WDR25: variants seen among roughly 807,000 people sequenced by gnomAD.
The protein encoded by WDR25 is WD repeat-containing protein 25.
Under a neutral mutation model 47.7 loss-of-function variants are expected in WDR25, and 35 were observed. The observed-to-expected ratio is 0.73, with a 90% CI of 0.56 to 0.97. WDR25 has a LOEUF of 0.97. Among genes scored for constraint, WDR25 ranks in the 50% least tolerant of loss-of-function variants. The pLI, the probability that WDR25 is intolerant of heterozygous loss-of-function variation, is 0.00. For synonymous variants in WDR25, 248 were observed against 278.9 expected, an observed-to-expected ratio of 0.89 and a Z score of 1.10; for missense variants, 634 against 704.7, an observed-to-expected ratio of 0.90 and a Z score of 1.14.
intron 4 of WDR25, among the ~76,000 whole-genome samples, chr14:100,517,964 C>A (rs763142277): frequency 1.3e-5 from 2 of 152,198 alleles, no homozygotes; most frequent in Non-Finnish European, 2.9e-5. Flanking sequence ...TGAAGATCCC[C>A]TTCCCAGACA....
Position 100,488,072 on chromosome 14 carries a change from C to G in WDR25, c.1101+3948C>G, listed in dbSNP as rs1900442361. 6.6e-6 allele frequency among the ~76,000 whole-genome samples: 1 copy of G among 152,120 alleles called. No homozygotes were observed. Among genetic ancestry groups the G allele is most frequent in the Non-Finnish European group, 1.5e-5 (1 of 68,024 alleles). Reference sequence around the variant, plus strand: ...AGATTCTGGACTTCTCTAGTCTAGCCCAATTCATTACAGCAAATGGGCTGT... The same window carrying G: ...AGATTCTGGACTTCTCTAGTCTAGCGCAATTCATTACAGCAAATGGGCTGT... On this transcript the variant is annotated intron_variant, in intron 4 of 6. Coordinates refer to ENST00000402312, the MANE Select transcript of WDR25 (RefSeq NM_001161476.3). This position sits in a 1 kb window ranked among gnomAD's most constrained non-coding sequence, Gnocchi z 4.2.
intron 2 of WDR25, among the ~76,000 whole-genome samples, chr14:100,459,896 A>ATGTG (rs1899329857): frequency 1.2e-4 from 2 of 17,312 alleles, no homozygotes; most frequent in African/African-American, 2.3e-4. Flanking sequence ...GTGTGTGTGT[A>ATGTG]TATATATATA....
In WDR25 at chr14:100,508,640, A is replaced by C. The variant is rs373629662; in HGVS notation, c.1102-17230A>C. Among the ~76,000 whole-genome samples the C allele has an allele frequency of 1.7e-4, 26 of 152,326 alleles. No homozygotes were observed. The South Asian group carries it at 5.4e-3, about 32-fold the overall frequency. On this transcript the variant is annotated intron_variant, in intron 4 of 6. Coordinates refer to ENST00000402312, the MANE Select transcript of WDR25 (RefSeq NM_001161476.3). Reference sequence around the variant, plus strand: ...TTACAATGACTAGAACTTTCGGTACAATACTGAATAGAAATTGTGAAAATG... The same window carrying C: ...TTACAATGACTAGAACTTTCGGTACCATACTGAATAGAAATTGTGAAAATG...
In WDR25 at chr14:100,425,922, C is replaced by A. The variant is rs554774137; in HGVS notation, c.823-42099C>A. Among the ~76,000 whole-genome samples, 50 of 152,144 alleles carry A rather than the reference C, an allele frequency of 3.3e-4. No individual in the cohort carries two copies. Among genetic ancestry groups the A allele is most frequent in the Non-Finnish European group, 6.3e-4 (43 of 68,026 alleles). On this transcript the variant is annotated intron_variant, in intron 2 of 6. Coordinates refer to ENST00000402312, the MANE Select transcript of WDR25 (RefSeq NM_001161476.3). The surrounding 1 kb of genome is among the most constrained non-coding windows in gnomAD (Gnocchi z 4.8). ...GTATTCAGTGGGGCCAGGGCGAGAC[C>A]CTGGGCCTTGCGAGGACGCCGTCCT...
chr14:100,496,770 A>G (rs552367753), intron 4 of WDR25, among the ~76,000 whole-genome samples: 133 of 149,880 alleles, frequency 8.9e-4, no homozygotes, highest in African/African-American at 3.1e-3. Flanking sequence ...TCAGTTTCCA[A>G]GCATGTGGAA....
intron 4 of WDR25, among the ~76,000 whole-genome samples, chr14:100,524,466 G>T (rs1322065813): frequency 1.9e-4 from 29 of 152,206 alleles, no homozygotes; most frequent in Non-Finnish European, 5.9e-5. Context: ...CAGGCATGCA[G>T]AATCCAGTGC....
intron 4 of WDR25, among the ~76,000 whole-genome samples, chr14:100,489,846 C>T (rs1014288474): frequency 2.0e-5 from 3 of 152,162 alleles, no homozygotes; most frequent in African/African-American, 7.2e-5. Flanking sequence ...TCTAAAACCC[C>T]GATTCTCTGC....
At chr14:100,376,947 C>G (rs1896703724) in intron 1 of WDR25, 1 of 229,458 alleles carries the variant, frequency 4.4e-6, no homozygotes, top group South Asian at 1.7e-4. Context: ...CACAGAAAGT[C>G]CTGTCCTCAT....
In WDR25 at chr14:100,529,124, A is replaced by G. The variant is rs946165061; in HGVS notation, c.1329A>G (p.Ala443=). 6.3e-7 allele frequency: 1 copy of G among 1,597,968 alleles called. No homozygotes were observed. The highest frequency in any genetic ancestry group is 8.6e-7 in the Non-Finnish European group (1 of 1,167,592). Residue 443 remains alanine, a synonymous_variant, in exon 6 of 7, where the codon GCA becomes GCG. Transcript: ENST00000402312. This position sits in a 1 kb window ranked among gnomAD's most constrained non-coding sequence, Gnocchi z 5.1. The part of the protein sequence containing the change: ...ALHPREPVFL[A]QTNGNYLALF... ...ACCCGAGAGAGCCCGTGTTCCTGGC[A>G]CAGACCAATGGCAACTACCTGGCCC...
chr14:100,396,156 G>A (rs901876421), intron 2 of WDR25, among the ~76,000 whole-genome samples: 1 of 151,346 alleles, frequency 6.6e-6, no homozygotes, highest in Non-Finnish European at 1.5e-5. Flanking sequence ...TTTTGTATTT[G>A]TAGTAGAGAT....
At chr14:100,497,137 G>C (rs1052557762) in intron 4 of WDR25, among the ~76,000 whole-genome samples, 5 of 152,178 alleles carry the variant, frequency 3.3e-5, no homozygotes, top group Admixed American at 1.3e-4. Flanking sequence ...AATTTGCCAA[G>C]GTTAGCTTTA....
chr14:100,385,425 T>C (rs563822384), intron 2 of WDR25, among the ~76,000 whole-genome samples: 3 of 152,330 alleles, frequency 2.0e-5, no homozygotes, highest in Admixed American at 2.0e-4. Flanking sequence ...GATTTCTTTC[T>C]GATCAGGAGA....
chr14:100,476,887 C>G (rs1415312603), intron 3 of WDR25, among the ~76,000 whole-genome samples: 8 of 152,138 alleles, frequency 5.3e-5, no homozygotes, highest in Non-Finnish European at 1.2e-4. Context: ...TCCTGGAGAC[C>G]CATACTTGGG....
chr14:100,513,897 T>G (rs901494492), intron 4 of WDR25, among the ~76,000 whole-genome samples: 2 of 152,028 alleles, frequency 1.3e-5, no homozygotes, highest in Non-Finnish European at 1.5e-5. Context: ...TAGACATTCC[T>G]GGCTTATTTT....
At chr14:100,432,372 C>T (rs1337973627) in intron 2 of WDR25, among the ~76,000 whole-genome samples, 2 of 152,194 alleles carry the variant, frequency 1.3e-5, no homozygotes, top group Non-Finnish European at 2.9e-5. Flanking sequence ...CTTACTGTCA[C>T]GATGCCTGAA....
intron 2 of WDR25, among the ~76,000 whole-genome samples, chr14:100,408,638 C>T (rs548770250): frequency 5.9e-5 from 9 of 152,278 alleles, no homozygotes; most frequent in Non-Finnish European, 1.0e-4. Flanking sequence ...CTGAGAGCCA[C>T]GCAAGTGTTT....
chr14:100,492,380 C>A (rs1900595408), intron 4 of WDR25, among the ~76,000 whole-genome samples: 1 of 152,334 alleles, frequency 6.6e-6, no homozygotes, highest in South Asian at 2.1e-4. Context: ...TGTAAGAAGA[C>A]CCCTGTTTAA....
intron 2 of WDR25, among the ~76,000 whole-genome samples, chr14:100,395,299 GT>G (rs1897233220): frequency 6.6e-6 from 1 of 152,172 alleles, no homozygotes; most frequent in Non-Finnish European, 1.5e-5. Flanking sequence ...CTGGACCTTA[GT>G]TTCCCCATCG....
intron 3 of WDR25, among the ~76,000 whole-genome samples, chr14:100,477,569 G>A (rs1389959236): frequency 4.0e-5 from 3 of 75,930 alleles, no homozygotes; most frequent in African/African-American, 1.6e-4. Flanking sequence ...AGGAGAACAA[G>A]CTCCTTGATT....
Sources: gnomAD v4.1 joint callset for allele counts (sites outside exome capture counted in the v4.1 genomes callset) on GRCh38, gnomAD v4.1.1 for gene constraint, Gnocchi (gnomAD v3.1) non-coding constraint, MANE v1.5 for transcripts, NCBI Gene and HGNC (gene_info 2026-07-23, HGNC 2026-07-21) for gene names.